Variants in FBLN2 observed in about 807,000 individuals in gnomAD.
The protein encoded by FBLN2 is fibulin-2.
A neutral mutation model predicts 123.7 loss-of-function variants in FBLN2; 81 were observed. The observed-to-expected ratio is 0.65, with a 90% CI of 0.55 to 0.79. The LOEUF is 0.79. Ranked by LOEUF, FBLN2 falls within the 30% of genes least tolerant of loss-of-function variation. FBLN2 has a pLI of 0.00. For missense variants in FBLN2, 1,603 were observed against 1,681.3 expected (o/e 0.95, Z 0.81); for synonymous variants, 699 against 701.4 (o/e 1.00, Z 0.05).
chr3:13,565,550 T>A (rs1703719835), intron 1 of FBLN2, among the ~76,000 whole-genome samples: 1 of 152,238 alleles, frequency 6.6e-6, no homozygotes, highest in Non-Finnish European at 1.5e-5. Flanking sequence ...TGCTTGAGGC[T>A]AGGAGTTTGA....
In FBLN2 at chr3:13,571,214, A is replaced by T; in HGVS notation, c.859A>T (p.Arg287Ter). The T allele has an allele frequency of 6.4e-7, 1 of 1,570,050 alleles. No homozygotes were observed. Among genetic ancestry groups the T allele is most frequent in the Non-Finnish European group, 8.6e-7 (1 of 1,158,068 alleles). Reference sequence around the variant, plus strand: ...GGAGGAAGAAGAGGAGGAGGAGGAGAGAGAGGAAATGGCTGTCACTGAGCA... The same window carrying T: ...GGAGGAAGAAGAGGAGGAGGAGGAGTGAGAGGAAATGGCTGTCACTGAGCA... ...SEEEEEEEEE[R>*]EEMAVTEQLA... The change falls in exon 2 of 18, where the codon AGA (arginine) becomes TGA (stop). Residue 287 changes from arginine to a stop codon, truncating the protein, a stop_gained. Coordinates refer to ENST00000404922, the MANE Select transcript of FBLN2 (RefSeq NM_001004019.2). LOFTEE classifies it high-confidence loss of function.
chr3:13,620,479 T>C (rs890736718), intron 8 of FBLN2, among the ~76,000 whole-genome samples: 6 of 152,182 alleles, frequency 3.9e-5, no homozygotes, highest in Non-Finnish European at 5.9e-5. Context: ...TGATTAGCTG[T>C]CCAAGGATCA....
intron 5 of FBLN2, among the ~76,000 whole-genome samples, chr3:13,617,620 C>T (rs2124892082): frequency 6.7e-6 from 1 of 148,930 alleles, no homozygotes; most frequent in Admixed American, 6.7e-5. Context: ...TCCATCCATC[C>T]ACCCATCCAC....
At chr3:13,608,553 C>T (rs1195619324) in intron 3 of FBLN2, among the ~76,000 whole-genome samples, 1 of 152,228 alleles carries the variant, frequency 6.6e-6, no homozygotes, top group Non-Finnish European at 1.5e-5. Flanking sequence ...TGCCCTCTTC[C>T]TTTCTCTGCT....
chr3:13,626,691 G>A (rs946768440), intron 10 of FBLN2, 112 bp downstream of exon 10: 36 of 1,101,778 alleles, frequency 3.3e-5, no homozygotes, highest in Middle Eastern at 6.4e-4. Flanking sequence ...GCCTGGCCAC[G>A]CCCCTCTCCA....
chr3:13,572,404 G>C (rs1255751349), intron 2 of FBLN2, among the ~76,000 whole-genome samples: 1 of 152,256 alleles, frequency 6.6e-6, no homozygotes, highest in Non-Finnish European at 1.5e-5. Flanking sequence ...CACCAGTGAG[G>C]CAACTGGGGC....
intron 13 of FBLN2, 65 bp from the exon 14 acceptor site, chr3:13,629,755 C>T (rs1159135471): frequency 6.5e-7 from 1 of 1,527,348 alleles, no homozygotes; most frequent in South Asian, 1.3e-5. Context: ...CTGGATGGCC[C>T]TTGGGGGTGG....
chr3:13,624,349 T>A (rs1559424737), intron 9 of FBLN2, among the ~76,000 whole-genome samples: 1 of 135,704 alleles, frequency 7.4e-6, no homozygotes, highest in Non-Finnish European at 1.6e-5. Flanking sequence ...GTTACCATAA[T>A]TCCTCCAGGC....
In FBLN2 at chr3:13,591,584, G is replaced by A. The variant is rs575175759; in HGVS notation, c.1307-16478G>A. ...GTTACAGGCGTGAGCCACCACACCCGGCCAATGTTTTCTGGCCTCTTTTTT... is the reference window on the plus strand; with the variant it reads ...GTTACAGGCGTGAGCCACCACACCCAGCCAATGTTTTCTGGCCTCTTTTTT... On this transcript the variant is annotated intron_variant, in intron 2 of 17. Transcript: ENST00000404922. Among the ~76,000 whole-genome samples the A allele has an allele frequency of 3.2e-4, 49 of 152,126 alleles. No individual in the cohort carries two copies. The South Asian group carries it at 8.1e-3, about 25-fold the overall frequency.
chr3:13,576,726 C>G (rs73818030), intron 2 of FBLN2, among the ~76,000 whole-genome samples: 1 of 151,874 alleles, frequency 6.6e-6, no homozygotes, highest in Non-Finnish European at 1.5e-5. Flanking sequence ...GGGATCCCCC[C>G]CCCCCGGGTT....
intron 1 of FBLN2, among the ~76,000 whole-genome samples, chr3:13,552,991 G>T (rs1703365920): frequency 6.6e-6 from 1 of 152,170 alleles, no homozygotes; most frequent in Non-Finnish European, 1.5e-5. Context: ...GGAGAACGCT[G>T]AAGCCATGGG....
intron 5 of FBLN2, 129 bp downstream of exon 5, chr3:13,614,293 G>C (rs1705503685): frequency 1.1e-6 from 1 of 905,278 alleles, no homozygotes; most frequent in Non-Finnish European, 1.6e-6. Flanking sequence ...ACAGAGTTCT[G>C]AGGATGGTGA....
At chr3:13,633,773 A>G (rs1002352287) in intron 16 of FBLN2, among the ~76,000 whole-genome samples, 1 of 152,320 alleles carries the variant, frequency 6.6e-6, no homozygotes, top group South Asian at 2.1e-4. Context: ...CTCACCTGGC[A>G]TGCACACTCC....
chr3:13,594,388 G>A (rs768996981), intron 2 of FBLN2, among the ~76,000 whole-genome samples: 13 of 151,678 alleles, frequency 8.6e-5, no homozygotes, highest in South Asian at 2.1e-4. Flanking sequence ...CTTTCTGGGC[G>A]GGGCAGAGGT....
chr3:13,625,249 G>A (rs1434551256), intron 9 of FBLN2, among the ~76,000 whole-genome samples: 1 of 151,984 alleles, frequency 6.6e-6, no homozygotes, highest in Non-Finnish European at 1.5e-5. Context: ...TGGTTTCTGA[G>A]TTGGTGGCCT....
intron 2 of FBLN2, among the ~76,000 whole-genome samples, chr3:13,581,934 C>T (rs756239733): frequency 3.3e-5 from 5 of 152,132 alleles, no homozygotes; most frequent in Non-Finnish European, 7.4e-5. Flanking sequence ...TGGGTCCTGG[C>T]ACAGGGCTCC....
intron 1 of FBLN2, among the ~76,000 whole-genome samples, chr3:13,565,066 T>C (rs576566862): frequency 2.3e-4 from 35 of 152,264 alleles, no homozygotes; most frequent in African/African-American, 7.9e-4. Flanking sequence ...TCTAGGAGAC[T>C]CACACTGTGT....
At chr3:13,593,751 T>A (rs1704753109) in intron 2 of FBLN2, among the ~76,000 whole-genome samples, 3 of 147,606 alleles carry the variant, frequency 2.0e-5, no homozygotes, top group African/African-American at 2.5e-5. Flanking sequence ...TAATTGCCCC[T>A]AGCCTGCAGG....
intron 16 of FBLN2, among the ~76,000 whole-genome samples, chr3:13,632,919 T>C (rs1212135840): frequency 3.3e-5 from 5 of 152,168 alleles, no homozygotes; most frequent in African/African-American, 1.2e-4. Flanking sequence ...GCAGGAAATA[T>C]GGCTTTATCC....
Sources: allele counts gnomAD v4.1 joint callset (sites outside exome capture counted in the v4.1 genomes callset), GRCh38; gene constraint gnomAD v4.1.1; transcripts MANE v1.5; gene names NCBI Gene and HGNC (gene_info 2026-07-23, HGNC 2026-07-21).